CXCL13: variants seen among roughly 807,000 people sequenced by gnomAD.
CXCL13 encodes the protein C-X-C motif chemokine 13.
CXCL13 carries 7 observed loss-of-function variants against 12.2 expected under a neutral mutation model. That is an observed-to-expected ratio of 0.57 (90% CI 0.33 to 1.07). CXCL13 has a LOEUF of 1.07. CXCL13 is among the 50% of genes least tolerant of loss of function. The probability of loss-of-function intolerance (pLI) is 0.04; values close to 1 mark genes in which losing one functional copy is unlikely to be tolerated. For missense variants in CXCL13, 113 were observed against 127.4 expected, an observed-to-expected ratio of 0.89 and a Z score of 0.55; for synonymous variants, 47 against 42.4, an observed-to-expected ratio of 1.11 and a Z score of -0.42.
chr4:77,524,604 G>T (rs926597246), intron 1 of CXCL13, among the ~76,000 whole-genome samples: 1 of 152,202 alleles, frequency 6.6e-6, no homozygotes, highest in Non-Finnish European at 1.5e-5. Flanking sequence ...GGAGTGTCCT[G>T]TTATTCCAGG....
chr4:77,540,578 A>T (rs749500135), intron 1 of CXCL13, among the ~76,000 whole-genome samples: 3 of 152,074 alleles, frequency 2.0e-5, no homozygotes, highest in African/African-American at 7.2e-5. Context: ...AGCTCTATGC[A>T]TGTTGCTGCA....
At chr4:77,520,092 G>A (rs1724549820) in intron 1 of CXCL13, among the ~76,000 whole-genome samples, 2 of 152,206 alleles carry the variant, frequency 1.3e-5, no homozygotes, top group Admixed American at 1.3e-4. Context: ...TTTGGTACCA[G>A]TACCATGCTG....
At chr4:77,587,204 A>C (rs1726495188) in intron 1 of CXCL13, among the ~76,000 whole-genome samples, 1 of 152,224 alleles carries the variant, frequency 6.6e-6, no homozygotes, top group African/African-American at 2.4e-5. Context: ...CAGTCAAAAC[A>C]AGAAAAGTGG....
chr4:77,561,948 G>C (rs766782502), intron 1 of CXCL13, among the ~76,000 whole-genome samples: 1 of 152,178 alleles, frequency 6.6e-6, no homozygotes, highest in Non-Finnish European at 1.5e-5. Flanking sequence ...ACAAGTTCTG[G>C]GTGGGTGTGG....
At chr4:77,601,682 C>T (rs951936934), upstream of CXCL13, among the ~76,000 whole-genome samples, 2 of 152,238 alleles carry the variant, frequency 1.3e-5, no homozygotes, top group African/African-American at 4.8e-5. Flanking sequence ...TTTTCATGTA[C>T]TTCACGTTTT....
intron 1 of CXCL13, among the ~76,000 whole-genome samples, chr4:77,598,868 C>T (rs1488605804): frequency 6.6e-6 from 1 of 151,844 alleles, no homozygotes; most frequent in Non-Finnish European, 1.5e-5. Context: ...AGTACAATGG[C>T]ATGATCTCGG....
chr4:77,594,636 G>A (rs1375802968), intron 1 of CXCL13, among the ~76,000 whole-genome samples: 1 of 152,162 alleles, frequency 6.6e-6, no homozygotes, highest in African/African-American at 2.4e-5. Context: ...GCCAGTGAGG[G>A]CCATGGGGCT....
At chr4:77,585,390 G>A (rs747090896) in intron 1 of CXCL13, among the ~76,000 whole-genome samples, 5 of 152,192 alleles carry the variant, frequency 3.3e-5, no homozygotes, top group Non-Finnish European at 7.3e-5. Flanking sequence ...TGCAGAGCAG[G>A]TTGCGGCTGA....
At chr4:77,558,138 T>C (rs1451641980) in intron 1 of CXCL13, among the ~76,000 whole-genome samples, 1 of 152,226 alleles carries the variant, frequency 6.6e-6, no homozygotes, top group East Asian at 1.9e-4. Flanking sequence ...TTCTAGTTCT[T>C]GTTTATAAAA....
At chr4:77,602,580 T>G (rs909247485), upstream of CXCL13, among the ~76,000 whole-genome samples, 3 of 152,076 alleles carry the variant, frequency 2.0e-5, no homozygotes, top group African/African-American at 7.2e-5. Context: ...AGTACCAAGG[T>G]TCTAAATTAC....
At chr4:77,560,178 G>T (rs1260262627) in intron 1 of CXCL13, among the ~76,000 whole-genome samples, 1 of 152,126 alleles carries the variant, frequency 6.6e-6, no homozygotes, top group Non-Finnish European at 1.5e-5. Context: ...TTTCATGAAT[G>T]ATCTCATTTA....
chr4:77,513,396 CA>C (rs1724320202), intron 1 of CXCL13, among the ~76,000 whole-genome samples: 1 of 152,092 alleles, frequency 6.6e-6, no homozygotes. Context: ...ACACTCCCAC[CA>C]ACAGTGTAAA....
In CXCL13 at chr4:77,592,041, A is replaced by G. The variant is rs1423553384; in HGVS notation, c.-42-13783A>G. Among the ~76,000 whole-genome samples the G allele has an allele frequency of 3.3e-5, 5 of 152,348 alleles. No homozygotes were observed. In the East Asian group the frequency reaches 7.7e-4, roughly 23 times the overall value. ...TTCTGGCCACCTTGATCAGAAAAGAAATAATTGGATCATTATCACATGATC... is the reference window on the plus strand; with the variant it reads ...TTCTGGCCACCTTGATCAGAAAAGAGATAATTGGATCATTATCACATGATC... On this transcript the variant is annotated intron_variant, in intron 1 of 4. Coordinates refer to the CXCL13 transcript ENST00000286758.
upstream of CXCL13, among the ~76,000 whole-genome samples, chr4:77,601,419 G>GA (rs576425429): frequency 1.0e-3 from 159 of 151,826 alleles, 1 homozygote; most frequent in African/African-American, 3.7e-3. Flanking sequence ...AGAAAATGAT[G>GA]AAAAAAAATA....
intron 1 of CXCL13, among the ~76,000 whole-genome samples, chr4:77,562,628 G>A (rs1449727883): frequency 1.4e-5 from 2 of 142,516 alleles, no homozygotes; most frequent in Non-Finnish European, 2.9e-5. Context: ...ACACCAATCA[G>A]CACTCTGTAT....
intron 1 of CXCL13, among the ~76,000 whole-genome samples, chr4:77,576,590 C>T (rs1339429990): frequency 6.6e-6 from 1 of 152,142 alleles, no homozygotes; most frequent in Non-Finnish European, 1.5e-5. Flanking sequence ...ATGTCACTTT[C>T]TGACAGGTCC....
At chr4:77,519,104 G>A (rs933278528) in intron 1 of CXCL13, among the ~76,000 whole-genome samples, 6 of 152,216 alleles carry the variant, frequency 3.9e-5, no homozygotes, top group Admixed American at 3.3e-4. Flanking sequence ...CTGCAGAGCA[G>A]TGGTTTTTTG....
chr4:77,577,937 T>G (rs1578062064), intron 1 of CXCL13, among the ~76,000 whole-genome samples: 1 of 152,122 alleles, frequency 6.6e-6, no homozygotes, highest in East Asian at 1.9e-4. Context: ...TCCTCTGTCC[T>G]CACTTCACTG....
At chr4:77,589,651 G>A (rs567065624) in intron 1 of CXCL13, among the ~76,000 whole-genome samples, 2 of 152,264 alleles carry the variant, frequency 1.3e-5, no homozygotes, top group South Asian at 2.1e-4. Flanking sequence ...AATAAGGTGG[G>A]GGGACTACTA....
Sources: gnomAD v4.1 joint callset for allele counts (sites outside exome capture counted in the v4.1 genomes callset) on GRCh38, gnomAD v4.1.1 for gene constraint, MANE v1.5 for transcripts, NCBI Gene and HGNC (gene_info 2026-07-23, HGNC 2026-07-21) for gene names.